The following RBSN variants were observed in gnomAD, a reference collection of about 807,000 sequenced individuals.
RBSN encodes the protein rabenosyn-5.
A neutral mutation model predicts 60.5 loss-of-function variants in RBSN; 34 were observed. That is an observed-to-expected ratio of 0.56 (90% CI 0.43 to 0.75). The LOEUF is 0.75. Ranked by LOEUF, RBSN falls within the 30% of genes least tolerant of loss-of-function variation. The pLI is 0.00. For synonymous variants in RBSN, 322 were observed against 366.9 expected (o/e 0.88, Z 1.40); for missense variants, 845 against 986.8 (o/e 0.86, Z 1.92).
At chr3:15,079,436 A>T (rs1401877476) in intron 10 of RBSN, among the ~76,000 whole-genome samples, 2 of 152,242 alleles carry the variant, frequency 1.3e-5, no homozygotes, top group Non-Finnish European at 2.9e-5. Context: ...ACTCCTAGGT[A>T]CCTACCCGAG....
At chr3:15,092,413 GTTTT>G (rs577707119) in intron 4 of RBSN, among the ~76,000 whole-genome samples, 57 of 149,546 alleles carry the variant, frequency 3.8e-4, no homozygotes, top group African/African-American at 1.4e-3. Flanking sequence ...TTGTTTGTTT[GTTTT>G]TTTTTGAGAC....
In RBSN at chr3:15,099,020, A is replaced by T. The variant is rs1015722922; in HGVS notation, c.-501+15T>A. On this transcript the variant is annotated intron_variant, in intron 1 of 13. Coordinates refer to ENST00000253699, the MANE Select transcript of RBSN (RefSeq NM_022340.4). The stretch of plus-strand genomic sequence containing the variant: ...GTCCCCGCCCCCCAGACTGGGCCTG[A>T]CCCTCTGTATGTACCCTGCCGGGCT... 2 of 152,238 alleles carry T rather than the reference A, an allele frequency of 1.3e-5. No homozygotes were observed. The highest frequency in any genetic ancestry group is 4.8e-5 in the African/African-American group (2 of 41,334). The allele number at this position is 152,238 out of a possible 1,614,324, so 9.4% of individuals were successfully genotyped here. A position where few individuals can be genotyped will look rare whatever the true frequency, so the allele number is the denominator to read the frequency against.
chr3:15,080,605 C>T, intron 10 of RBSN, 127 bp downstream of exon 10: 1 of 886,244 alleles, frequency 1.1e-6, no homozygotes, highest in Admixed American at 2.2e-5. Context: ...AAAAAACCAA[C>T]TTCAGCTGGT....
At chr3:15,097,552 T>A (rs1211628662) in intron 2 of RBSN, among the ~76,000 whole-genome samples, 3 of 150,346 alleles carry the variant, frequency 2.0e-5, no homozygotes, top group African/African-American at 7.3e-5. Flanking sequence ...ATAAATAAAT[T>A]GATTTGGGGC....
At position 15,074,152 on chromosome 3, in the gene RBSN, T is replaced by C. The variant is rs569450225; in HGVS notation, c.1985A>G (p.Asn662Ser). ...CTCCTCGTCCTCTTCCTCGAAAGGATTGTACTCTTTCAGGATGCGGGCTGA... is the reference window on the plus strand; with the variant it reads ...CTCCTCGTCCTCTTCCTCGAAAGGACTGTACTCTTTCAGGATGCGGGCTGA... ...DPSARILKEY[N>S]PFEEEDEEEE... The change falls in exon 14 of 14, where the codon AAT becomes AGT. Residue 662 changes from asparagine to serine, a missense_variant. Physicochemically the swap from Asn to Ser is conservative, Grantham distance 46. Coordinates refer to ENST00000253699, the MANE Select transcript of RBSN (RefSeq NM_022340.4). This position sits in a 1 kb window ranked among gnomAD's most constrained non-coding sequence, Gnocchi z 6.4. The C allele has an allele frequency of 9.9e-6, 16 of 1,613,958 alleles. No homozygotes were observed. The highest frequency in any genetic ancestry group is 3.3e-4 in the Middle Eastern group (2 of 6,062).
chr3:15,079,912 A>C (rs1452521388), intron 10 of RBSN, among the ~76,000 whole-genome samples: 2 of 152,212 alleles, frequency 1.3e-5, no homozygotes, highest in Non-Finnish European at 2.9e-5. Flanking sequence ...TAAAAGGGTA[A>C]AGGTTAGGGT....
chr3:15,078,783 T>C (rs1300809619), intron 10 of RBSN, among the ~76,000 whole-genome samples: 59 of 31,104 alleles, frequency 1.9e-3, no homozygotes, highest in Non-Finnish European at 2.2e-3. Context: ...AAAATACATA[T>C]ATATATATAT....
chr3:15,073,614 T>C lies in RBSN; in HGVS notation c.*168A>G. The C allele has an allele frequency of 1.6e-6, 1 of 609,112 alleles. No homozygotes were observed. 37.7% of individuals were successfully genotyped at this position (609,112 alleles called of 1,614,324 possible). A position where few individuals can be genotyped will look rare whatever the true frequency, so the allele number is the denominator to read the frequency against. On this transcript the variant is annotated 3_prime_UTR_variant, in exon 14 of 14. Transcript: ENST00000253699. ...TTTCTATTTTATTATTCAACTGTAG[T>C]GGAAATACCTCAAAGTGCGCAACAC... is the stretch of plus-strand genomic sequence containing the variant.
intron 10 of RBSN, 21 bp from the exon 11 acceptor site, chr3:15,078,182 C>T (rs1424307198): frequency 1.8e-5 from 29 of 1,609,194 alleles, no homozygotes; most frequent in African/African-American, 4.0e-5. Flanking sequence ...ACCAGAGACA[C>T]GTGACCTAAG....
chr3:15,080,887 A>AT, intron 9 of RBSN, 85 bp from the exon 10 acceptor site: 1 of 1,080,444 alleles, frequency 9.3e-7, no homozygotes, highest in South Asian at 1.3e-5. Context: ...ATGGAGCTAT[A>AT]TTTAAAATGT....
chr3:15,094,582 ACT>A (rs1250369440), intron 4 of RBSN, among the ~76,000 whole-genome samples: 1 of 152,142 alleles, frequency 6.6e-6, no homozygotes, highest in Non-Finnish European at 1.5e-5. Context: ...TGTGAAAGAA[ACT>A]CTAAAAACTA....
intron 6 of RBSN, 120 bp from the exon 7 acceptor site, chr3:15,085,165 C>G (rs2043307001): frequency 8.5e-7 from 1 of 1,179,510 alleles, no homozygotes; most frequent in African/African-American, 1.6e-5. Flanking sequence ...CATCTGTCAT[C>G]CCCAACGCCA....
At chr3:15,091,448 G>T (rs770272704) in intron 4 of RBSN, 73 of 1,284,696 alleles carry the variant, frequency 5.7e-5, no homozygotes, top group Non-Finnish European at 7.0e-5. Flanking sequence ...CTTATTGAAT[G>T]CATGTGAGAA....
chr3:15,095,847 A>T, intron 4 of RBSN, 126 bp downstream of exon 4: 1 of 1,256,062 alleles, frequency 8.0e-7, no homozygotes, highest in South Asian at 1.3e-5. Context: ...CACATGACAA[A>T]CACTAGTCAT....
Position 15,077,147 on chromosome 3 carries a change from AAGG to A in RBSN, c.1013_1015del (p.Thr338_Leu339delinsMet). 6.2e-7 allele frequency: 1 copy of A among 1,613,996 alleles called. No homozygotes were observed. On this transcript the variant is annotated inframe_deletion, in exon 12 of 14. Transcript: ENST00000253699. The surrounding 1 kb of genome is among the most constrained non-coding windows in gnomAD (Gnocchi z 4.4). ...TGGTGGAGGGTCCTGGTTCAAGCCC[AAGG>A]TTAAGATCTTCTTACTGAATTGGAA...
At chr3:15,089,263 C>CA (rs1314335013) in intron 5 of RBSN, among the ~76,000 whole-genome samples, 1 of 151,682 alleles carries the variant, frequency 6.6e-6, no homozygotes, top group Non-Finnish European at 1.5e-5. Flanking sequence ...CCCAGGAGTT[C>CA]AAGACCAGCC....
Position 15,074,739 on chromosome 3 carries a change from G to T in RBSN, c.1398C>A (p.Ile466=). Residue 466 remains isoleucine, a synonymous_variant, in exon 14 of 14, where the codon ATC becomes ATA. Coordinates refer to ENST00000253699, the MANE Select transcript of RBSN (RefSeq NM_022340.4). This position sits in a 1 kb window ranked among gnomAD's most constrained non-coding sequence, Gnocchi z 6.4. The stretch of plus-strand genomic sequence containing the variant: ...CCTTGGCCTGCCTGATGAATGATGT[G>T]ATGTTGTGGATCTGCTGGAGGAGCG... ...SDPLLQQIHN[I]TSFIRQAKAA... 6.2e-7 allele frequency: 1 copy of T among 1,614,276 alleles called. No homozygotes were observed. Among genetic ancestry groups the T allele is most frequent in the Non-Finnish European group, 8.5e-7 (1 of 1,180,050 alleles).
intron 5 of RBSN, among the ~76,000 whole-genome samples, chr3:15,089,283 T>C (rs570828957): frequency 2.6e-5 from 4 of 151,652 alleles, no homozygotes; most frequent in Non-Finnish European, 4.4e-5. Flanking sequence ...CTGGCCAACA[T>C]AGGACCCTGT....
chr3:15,082,258 T>A lies in RBSN; in HGVS notation c.840+109A>T. On this transcript the variant is annotated intron_variant, in intron 9 of 13. Coordinates refer to ENST00000253699, the MANE Select transcript of RBSN (RefSeq NM_022340.4). The surrounding 1 kb of genome is among the most constrained non-coding windows in gnomAD (Gnocchi z 4.2). ...GGCCTTTAACAGGAACTACAAATAA[T>A]TCAAACGAACAACTTCCCAAAGCAT... 6.9e-7 allele frequency: 1 copy of A among 1,441,050 alleles called. No homozygotes were observed. The highest frequency in any genetic ancestry group is 9.5e-7 in the Non-Finnish European group (1 of 1,054,516). The allele number at this position is 1,441,050 out of a possible 1,614,324, so 89.3% of individuals were successfully genotyped here.
Sources: allele counts gnomAD v4.1 joint callset (sites outside exome capture counted in the v4.1 genomes callset), GRCh38; gene constraint gnomAD v4.1.1; non-coding constraint Gnocchi (gnomAD v3.1); transcripts MANE v1.5; gene names NCBI Gene and HGNC (gene_info 2026-07-23, HGNC 2026-07-21).